AUTS2: variants seen among roughly 807,000 people sequenced by gnomAD.
AUTS2 encodes autism susceptibility gene 2 protein.
Under a neutral mutation model 112.4 loss-of-function variants are expected in AUTS2, and 17 were observed. The ratio of observed to expected loss-of-function variants is 0.15; its 90% CI spans 0.10 to 0.23. AUTS2 has a LOEUF of 0.23. Ranked by LOEUF, AUTS2 falls within the 10% of genes least tolerant of loss-of-function variation. The pLI, the probability that AUTS2 is intolerant of heterozygous loss-of-function variation, is 1.00. For missense variants in AUTS2, 1,510 were observed against 1,701.6 expected (o/e 0.89, Z 1.98); for synonymous variants, 751 against 702.7 (o/e 1.07, Z -1.09).
At chr7:70,584,648 A>G (rs997259504) in intron 5 of AUTS2, among the ~76,000 whole-genome samples, 14 of 152,274 alleles carry the variant, frequency 9.2e-5, no homozygotes, top group Admixed American at 9.2e-4. Context: ...TGGGGGCAGT[A>G]CAGAGACAGG....
intron 4 of AUTS2, among the ~76,000 whole-genome samples, chr7:70,216,019 A>T (rs1811147291): frequency 6.6e-6 from 1 of 152,250 alleles, no homozygotes; most frequent in South Asian, 2.1e-4. Flanking sequence ...TTATAAAAAA[A>T]ATTCAGAATC....
chr7:70,016,504 C>T (rs1298892086), intron 2 of AUTS2, among the ~76,000 whole-genome samples: 2 of 151,882 alleles, frequency 1.3e-5, no homozygotes, highest in East Asian at 1.9e-4. Context: ...GTTTGGAGAG[C>T]GCACTACAGA....
chr7:70,711,127 C>T (rs1043623226), intron 6 of AUTS2, among the ~76,000 whole-genome samples: 1 of 152,052 alleles, frequency 6.6e-6, no homozygotes, highest in Non-Finnish European at 1.5e-5. Flanking sequence ...CAGGGCCTCA[C>T]CCCCCCAGAG....
intron 1 of AUTS2, among the ~76,000 whole-genome samples, chr7:69,660,212 C>T (rs540193755): frequency 2.0e-5 from 3 of 152,244 alleles, no homozygotes; most frequent in Non-Finnish European, 4.4e-5. Flanking sequence ...ACTGATTTTC[C>T]ATCCTGGGCC....
chr7:70,493,446 G>C (rs980003943), intron 5 of AUTS2, among the ~76,000 whole-genome samples: 1 of 152,168 alleles, frequency 6.6e-6, no homozygotes, highest in Non-Finnish European at 1.5e-5. Context: ...CATTTGGCTT[G>C]TTGTGTCAGA....
intron 4 of AUTS2, among the ~76,000 whole-genome samples, chr7:70,383,026 A>G (rs915378066): frequency 6.6e-6 from 1 of 152,224 alleles, no homozygotes; most frequent in East Asian, 1.9e-4. Flanking sequence ...ATCAAATTCT[A>G]CCTTTTTTCA....
At chr7:70,082,913 C>T (rs1803390568) in intron 2 of AUTS2, among the ~76,000 whole-genome samples, 1 of 152,126 alleles carries the variant, frequency 6.6e-6, no homozygotes, top group Non-Finnish European at 1.5e-5. Context: ...AGTCAACAGT[C>T]ATTTTATTCA....
At chr7:69,644,104 T>G (rs1456983075) in intron 1 of AUTS2, among the ~76,000 whole-genome samples, 1 of 152,210 alleles carries the variant, frequency 6.6e-6, no homozygotes, top group Admixed American at 6.5e-5. Context: ...AAAATCAGGT[T>G]CGCCTGTTTA....
intron 2 of AUTS2, among the ~76,000 whole-genome samples, chr7:70,085,359 T>C (rs1322397885): frequency 6.6e-6 from 1 of 152,026 alleles, no homozygotes; most frequent in African/African-American, 2.4e-5. Context: ...AATTCATTTA[T>C]TTTTGCATAC....
intron 2 of AUTS2, among the ~76,000 whole-genome samples, chr7:69,914,848 T>C (rs1377194566): frequency 1.3e-5 from 2 of 152,164 alleles, no homozygotes; most frequent in African/African-American, 2.4e-5. Context: ...GAAAAATTAT[T>C]GTCCCACGTG....
chr7:70,610,461 A>G (rs2158617), intron 5 of AUTS2, among the ~76,000 whole-genome samples: 20,236 of 108,862 alleles, frequency 0.19, 2,077 homozygotes, highest in Middle Eastern at 0.41. Flanking sequence ...TTCCTGACAG[A>G]GTCTCATTCT....
chr7:70,381,885 T>C (rs1220173164), intron 4 of AUTS2, among the ~76,000 whole-genome samples: 1 of 152,218 alleles, frequency 6.6e-6, no homozygotes, highest in Non-Finnish European at 1.5e-5. Flanking sequence ...AGTTGTTATT[T>C]CTTTATTCAG....
At chr7:70,146,809 TTATC>T (rs1169131909) in intron 4 of AUTS2, among the ~76,000 whole-genome samples, 1 of 152,174 alleles carries the variant, frequency 6.6e-6, no homozygotes, top group African/African-American at 2.4e-5. Context: ...TGCTCTATAC[TTATC>T]TATGTACACA....
At chr7:70,689,699 C>T (rs931480631) in intron 5 of AUTS2, among the ~76,000 whole-genome samples, 2 of 150,960 alleles carry the variant, frequency 1.3e-5, no homozygotes, top group African/African-American at 4.9e-5. Context: ...TGGTGTGAAC[C>T]CGGGAGGCGG....
At chr7:70,745,782 T>G (rs543154244) in intron 6 of AUTS2, among the ~76,000 whole-genome samples, 2 of 152,332 alleles carry the variant, frequency 1.3e-5, no homozygotes, top group South Asian at 4.1e-4. Context: ...TTGAAAATAG[T>G]TCCTTAAACT....
rs1401136810 is a variant in AUTS2 at position 70,766,221 on chromosome 7, C to G, written c.1576C>G (p.Gln526Glu). 1.2e-6 allele frequency: 2 copies of G among 1,613,734 alleles called. No individual in the cohort carries two copies. Residue 526 changes from glutamine to glutamate, a missense_variant, in exon 9 of 19, where the codon CAG becomes GAG. Around this residue, in one of 3 missense-constraint regions of AUTS2, gnomAD observed 187 missense variants for 309.7 expected, o/e 0.60. Transcript: ENST00000342771. This position sits in a 1 kb window ranked among gnomAD's most constrained non-coding sequence, Gnocchi z 4.8. The stretch of plus-strand genomic sequence containing the variant: ...GCCCTACCTGCGGACCGAGTTCCAT[C>G]AGCACCAGCACCAGCACCAGCACAC... Reference protein sequence around the residue: ...PPPYLRTEFHQHQHQHQHTHQ... With the variant: ...PPPYLRTEFHEHQHQHQHTHQ...
At chr7:69,697,938 T>G (rs1175988359) in intron 1 of AUTS2, among the ~76,000 whole-genome samples, 1 of 152,156 alleles carries the variant, frequency 6.6e-6, no homozygotes, top group African/African-American at 2.4e-5. Flanking sequence ...AACACGGCAG[T>G]TTATAGTGGA....
chr7:69,774,483 T>C (rs1379951933), intron 1 of AUTS2, among the ~76,000 whole-genome samples: 1 of 152,248 alleles, frequency 6.6e-6, no homozygotes, highest in Non-Finnish European at 1.5e-5. Flanking sequence ...TGAATGCGAA[T>C]AGCCAGTAAT....
chr7:70,583,691 A>G (rs1358100842), intron 5 of AUTS2, among the ~76,000 whole-genome samples: 4 of 152,210 alleles, frequency 2.6e-5, no homozygotes, highest in Admixed American at 1.3e-4. Context: ...CCCTCCAGGC[A>G]CCATGACCGC....
Sources: gnomAD v4.1 joint callset for allele counts (sites outside exome capture counted in the v4.1 genomes callset) on GRCh38, gnomAD v4.1.1 for gene constraint, gnomAD v4.1.1 regional missense constraint, Gnocchi (gnomAD v3.1) non-coding constraint, MANE v1.5 for transcripts, NCBI Gene and HGNC (gene_info 2026-07-23, HGNC 2026-07-21) for gene names.